ADORA2B: variants seen among roughly 807,000 people sequenced by gnomAD.
ADORA2B encodes adenosine receptor A2b.
A neutral mutation model predicts 20.8 loss-of-function variants in ADORA2B; 18 were observed. That is an observed-to-expected ratio of 0.87 (90% CI 0.60 to 1.29). ADORA2B has a LOEUF of 1.29. Among genes scored for constraint, ADORA2B ranks in the 50% most tolerant of loss-of-function variants. The pLI is 0.00. For synonymous variants in ADORA2B, 179 were observed against 178.3 expected, an observed-to-expected ratio of 1.00 and a Z score of -0.03; for missense variants, 441 against 422.7, an observed-to-expected ratio of 1.04 and a Z score of -0.38.
At chr17:15,880,375 T>G in the ADORA2B span, among the ~76,000 whole-genome samples, 1 of 137,258 alleles carries the variant, frequency 7.3e-6, no homozygotes, top group Non-Finnish European at 1.6e-5. Flanking sequence ...CCAATATTAC[T>G]GTTTCCATCT....
chr17:15,877,826 T>G, the ADORA2B span, among the ~76,000 whole-genome samples: 2 of 152,130 alleles, frequency 1.3e-5, no homozygotes, highest in Non-Finnish European at 2.9e-5. Context: ...ACAAATTTCC[T>G]GAGCCTTTGG....
the ADORA2B span, among the ~76,000 whole-genome samples, chr17:15,885,719 A>C: frequency 2.0e-5 from 3 of 151,988 alleles, no homozygotes; most frequent in African/African-American, 7.3e-5. Context: ...GTATCAAAAA[A>C]AAAAAACAAA....
At chr17:15,909,701 G>A in the ADORA2B span, among the ~76,000 whole-genome samples, 3 of 152,344 alleles carry the variant, frequency 2.0e-5, no homozygotes, top group African/African-American at 7.2e-5. Context: ...CAGGCTGAGG[G>A]TGTGTGCCTC....
the ADORA2B span, among the ~76,000 whole-genome samples, chr17:15,912,812 T>G: frequency 6.6e-6 from 1 of 152,202 alleles, no homozygotes; most frequent in Non-Finnish European, 1.5e-5. Context: ...TTGGGCCCCA[T>G]TAGGGAGGTT....
chr17:15,860,516 G>C, the ADORA2B span, among the ~76,000 whole-genome samples: 4 of 152,034 alleles, frequency 2.6e-5, no homozygotes, highest in East Asian at 7.7e-4. Flanking sequence ...TTACCTGGGG[G>C]CAGGTAATGT....
the ADORA2B span, among the ~76,000 whole-genome samples, chr17:15,858,475 T>C: frequency 1.3e-5 from 2 of 152,234 alleles, no homozygotes; most frequent in Non-Finnish European, 2.9e-5. Flanking sequence ...TAATGAGCAC[T>C]CTTGGGAAGG....
chr17:15,890,893 A>G, the ADORA2B span, among the ~76,000 whole-genome samples: 2 of 152,228 alleles, frequency 1.3e-5, no homozygotes, highest in African/African-American at 4.8e-5. Flanking sequence ...GCCCATGCCC[A>G]AGGGCTGTGC....
At chr17:15,949,274 A>T (rs1969861238) in intron 1 of ADORA2B, among the ~76,000 whole-genome samples, 1 of 152,094 alleles carries the variant, frequency 6.6e-6, no homozygotes, top group Admixed American at 6.6e-5. Flanking sequence ...GTGCTTTGGG[A>T]GGCCAAGGCG....
At chr17:15,889,743 C>T in the ADORA2B span, among the ~76,000 whole-genome samples, 1 of 128,310 alleles carries the variant, frequency 7.8e-6, no homozygotes, top group Non-Finnish European at 1.6e-5. Context: ...ACTAAAAATA[C>T]AAAAATTAGC....
At chr17:15,907,836 C>A in the ADORA2B span, among the ~76,000 whole-genome samples, 2 of 152,218 alleles carry the variant, frequency 1.3e-5, no homozygotes, top group African/African-American at 4.8e-5. Context: ...ATCGCAAAGT[C>A]TGTGGTGGTG....
chr17:15,890,750 C>T, the ADORA2B span, among the ~76,000 whole-genome samples: 3 of 152,110 alleles, frequency 2.0e-5, no homozygotes, highest in South Asian at 6.2e-4. Context: ...GAGCAGAGCA[C>T]AGCAGCCCCA....
intron 1 of ADORA2B, among the ~76,000 whole-genome samples, chr17:15,964,635 A>G (rs117270652): frequency 2.1e-3 from 311 of 151,488 alleles, no homozygotes; most frequent in East Asian, 0.013. Context: ...AAAAAAAAGA[A>G]AAGATGAATT....
chr17:15,925,975 A>C, the ADORA2B span, among the ~76,000 whole-genome samples: 1 of 152,188 alleles, frequency 6.6e-6, no homozygotes, highest in Admixed American at 6.5e-5. Flanking sequence ...GTCTTAAAAA[A>C]AAAACAGATT....
At chr17:15,953,425 C>T (rs964926722) in intron 1 of ADORA2B, among the ~76,000 whole-genome samples, 1 of 152,204 alleles carries the variant, frequency 6.6e-6, no homozygotes, top group Non-Finnish European at 1.5e-5. Context: ...GTCCCTCTGC[C>T]GGGGGCAGCC....
the ADORA2B span, among the ~76,000 whole-genome samples, chr17:15,876,670 C>T: frequency 6.6e-6 from 1 of 151,834 alleles, no homozygotes; most frequent in Admixed American, 6.6e-5. Flanking sequence ...TTGAGGCTTC[C>T]CTAAGTTTAA....
At chr17:15,860,571 A>ATG in the ADORA2B span, among the ~76,000 whole-genome samples, 3 of 152,046 alleles carry the variant, frequency 2.0e-5, no homozygotes, top group Non-Finnish European at 4.4e-5. Flanking sequence ...TGCTGGGTTT[A>ATG]ATGCTCTGAT....
chr17:15,956,590 C>CTTTTTT (rs11290214), intron 1 of ADORA2B, among the ~76,000 whole-genome samples: 2 of 51,418 alleles, frequency 3.9e-5, no homozygotes, highest in Non-Finnish European at 7.5e-5. Context: ...TTATGTGTGT[C>CTTTTTT]TTTTTTTTTT....
the ADORA2B span, among the ~76,000 whole-genome samples, chr17:15,897,799 A>G: frequency 6.6e-6 from 1 of 152,198 alleles, no homozygotes; most frequent in Non-Finnish European, 1.5e-5. Flanking sequence ...AAGAAATGAG[A>G]AAGTGAAAGT....
At chr17:15,955,681 C>T (rs2779200) in intron 1 of ADORA2B, among the ~76,000 whole-genome samples, 135,162 of 151,270 alleles carry the variant, frequency 0.89, 61,922 homozygotes, top group Non-Finnish European at 0.99. Context: ...GTTGTGGGAC[C>T]ACAGGCGTGA....
Sources: allele counts gnomAD v4.1 joint callset (sites outside exome capture counted in the v4.1 genomes callset), GRCh38; gene constraint gnomAD v4.1.1; transcripts MANE v1.5; gene names NCBI Gene and HGNC (gene_info 2026-07-23, HGNC 2026-07-21).